The following IFT122 variants were observed in gnomAD, a reference collection of about 807,000 sequenced individuals.
The protein encoded by IFT122 is intraflagellar transport protein 122 homolog.
IFT122 carries 118 observed loss-of-function variants against 161.6 expected under a neutral mutation model. The observed-to-expected ratio is 0.73, with a 90% CI of 0.63 to 0.85. The LOEUF is 0.85. Among genes scored for constraint, IFT122 ranks in the 40% least tolerant of loss-of-function variants. IFT122 has a pLI of 0.00. For synonymous variants in IFT122, 550 were observed against 602.4 expected (o/e 0.91, Z 1.27); for missense variants, 1,381 against 1,579.6 (o/e 0.87, Z 2.13).
intron 19 of IFT122, among the ~76,000 whole-genome samples, chr3:129,501,226 G>A (rs2081504727): frequency 6.6e-6 from 1 of 152,160 alleles, no homozygotes; most frequent in South Asian, 2.1e-4. Flanking sequence ...ACATGCTGCT[G>A]CGGTAGGCAA....
At chr3:129,470,726 A>G (rs961456224) in intron 9 of IFT122, among the ~76,000 whole-genome samples, 3 of 151,086 alleles carry the variant, frequency 2.0e-5, no homozygotes, top group East Asian at 3.9e-4. Flanking sequence ...ATGTGCCACC[A>G]TGTCCGGCTA....
At chr3:129,470,551 C>A (rs1367149931) in intron 9 of IFT122, among the ~76,000 whole-genome samples, 1 of 150,214 alleles carries the variant, frequency 6.7e-6, no homozygotes, top group Non-Finnish European at 1.5e-5. Flanking sequence ...AGGCATGAGC[C>A]ACCACGCCCG....
At chr3:129,463,871 T>C (rs976394234) in intron 6 of IFT122, among the ~76,000 whole-genome samples, 1 of 152,226 alleles carries the variant, frequency 6.6e-6, no homozygotes, top group South Asian at 2.1e-4. Context: ...CATCCAGCTA[T>C]ACTGAGTGGA....
chr3:129,441,426 T>G (rs1220617626), intron 1 of IFT122, among the ~76,000 whole-genome samples: 1 of 152,122 alleles, frequency 6.6e-6, no homozygotes, highest in East Asian at 1.9e-4. Flanking sequence ...TTCATATCCT[T>G]TATCTCGTTG....
chr3:129,478,393 A>G (rs901572941), intron 12 of IFT122, among the ~76,000 whole-genome samples, 175 bp downstream of exon 12: 2 of 152,186 alleles, frequency 1.3e-5, no homozygotes, highest in Admixed American at 6.5e-5. Flanking sequence ...ACCAGACTCT[A>G]TCAGCAAGTC....
intron 1 of IFT122, among the ~76,000 whole-genome samples, chr3:129,442,836 T>G (rs1289038693): frequency 6.6e-6 from 1 of 152,208 alleles, no homozygotes; most frequent in Non-Finnish European, 1.5e-5. Flanking sequence ...CTCCTCCCCA[T>G]CAGGCTTGCA....
chr3:129,506,536 C>T lies in IFT122; in HGVS notation c.2778C>T (p.Leu926=), dbSNP rs779776838. 23 of 1,614,070 alleles carry T rather than the reference C, an allele frequency of 1.4e-5. No homozygotes were observed. Among genetic ancestry groups the T allele is most frequent in the African/African-American group, 5.3e-5 (4 of 74,914 alleles). The change falls in exon 22 of 30, where the codon CTC becomes CTT. Residue 926 remains leucine (L), a synonymous_variant. Coordinates refer to ENST00000348417, the MANE Select transcript of IFT122 (RefSeq NM_052989.3). The part of the protein sequence containing the change: ...YYYWMLSMQC[L]DIAQDPAQKD... Reference sequence around the variant, plus strand: ...ACTGGATGCTGTCCATGCAGTGCCTCGATATAGCTCAAGGTGTGTAAACAT... The same window carrying T: ...ACTGGATGCTGTCCATGCAGTGCCTTGATATAGCTCAAGGTGTGTAAACAT...
chr3:129,450,172 CT>C (rs373622965), intron 2 of IFT122, among the ~76,000 whole-genome samples: 1 of 152,108 alleles, frequency 6.6e-6, no homozygotes, highest in African/African-American at 2.4e-5. Context: ...TCCCTTTTTA[CT>C]TTGAGACACC....
intron 1 of IFT122, among the ~76,000 whole-genome samples, chr3:129,447,913 C>T (rs1456407593): frequency 1.3e-5 from 2 of 152,196 alleles, no homozygotes; most frequent in African/African-American, 2.4e-5. Flanking sequence ...AACAGTCTCT[C>T]AGGTTAAATT....
chr3:129,489,942 C>G (rs2079854832), intron 16 of IFT122, among the ~76,000 whole-genome samples: 1 of 151,250 alleles, frequency 6.6e-6, no homozygotes, highest in Non-Finnish European at 1.5e-5. Context: ...AGGGAGACGA[C>G]AAATCCCTAG....
rs777126874 is a variant in IFT122, at chr3:129,467,008, A to G, written c.682A>G (p.Ser228Gly). 13 of 1,614,204 alleles carry G rather than the reference A, an allele frequency of 8.1e-6. No individual in the cohort carries two copies. The highest frequency in any genetic ancestry group is 1.1e-5 in the South Asian group (1 of 91,076). ...GTCAGCAGTGTACAGTAGTCAGGGT[A>G]GTGAGGCAGAGGAGGAAGAACCAGA... ...LKSAVYSSQG[S>G]EAEEEEPEEE... is the part of the protein sequence containing the mutation. Residue 228 changes from serine to glycine, a missense_variant, in exon 8 of 30, where the codon AGT becomes GGT. By Grantham distance (56) the Ser-to-Gly change is moderately conservative. Around this residue, in one of 7 missense-constraint regions of IFT122, gnomAD observed 544 missense variants for 648.0 expected, o/e 0.84. Transcript: ENST00000348417.
At chr3:129,513,921 G>A (rs2713619) in intron 24 of IFT122, 8,935 of 293,630 alleles carry the variant, frequency 0.03, 517 homozygotes, top group African/African-American at 0.11. Context: ...CCAGGCCCTC[G>A]GGGAAGGGTG....
intron 7 of IFT122, among the ~76,000 whole-genome samples, chr3:129,465,154 T>A (rs2076601781): frequency 1.5e-5 from 2 of 137,182 alleles, no homozygotes; most frequent in Admixed American, 1.5e-4. Context: ...TGTGTGTGTG[T>A]GTGTGTGGTG....
intron 3 of IFT122, among the ~76,000 whole-genome samples, chr3:129,457,129 A>G (rs66484147): frequency 0.13 from 20,182 of 152,176 alleles, 1,717 homozygotes; most frequent in South Asian, 0.24. Context: ...CTCGTCTCTC[A>G]CCAGAGTAGG....
chr3:129,451,592 A>T (rs1301259732), intron 2 of IFT122, among the ~76,000 whole-genome samples: 2 of 152,206 alleles, frequency 1.3e-5, no homozygotes, highest in Non-Finnish European at 2.9e-5. Flanking sequence ...TTTATTTAGG[A>T]GGGCCTGCCT....
rs181218428 is a variant in IFT122, at chr3:129,509,488, C to T, written c.2886+1726C>T. ...TTGTTAGCAGTTCCTGGGCCAAATGCGTTGTCGATGTTACGAGTTGTCTCT... is the reference window on the plus strand; with the variant it reads ...TTGTTAGCAGTTCCTGGGCCAAATGTGTTGTCGATGTTACGAGTTGTCTCT... On this transcript the variant is annotated intron_variant, in intron 23 of 29. Transcript: ENST00000348417. 6.8e-4 allele frequency among the ~76,000 whole-genome samples: 103 copies of T among 152,312 alleles called. 1 individual carries two copies. The highest frequency in any genetic ancestry group is 2.2e-3 in the Admixed American group (33 of 15,306).
intron 8 of IFT122, among the ~76,000 whole-genome samples, chr3:129,468,117 C>T (rs1267503054): frequency 6.6e-6 from 1 of 152,334 alleles, no homozygotes; most frequent in East Asian, 1.9e-4. Flanking sequence ...CAGGCTCCCT[C>T]ATTAACATCC....
At chr3:129,518,780 A>T (rs2084344948) in intron 27 of IFT122, among the ~76,000 whole-genome samples, 1 of 151,650 alleles carries the variant, frequency 6.6e-6, no homozygotes, top group Non-Finnish European at 1.5e-5. Context: ...GTGCCCGCAG[A>T]CCCCCAGCAG....
At chr3:129,453,907 GT>G (rs1171689662) in intron 3 of IFT122, among the ~76,000 whole-genome samples, 1 of 152,182 alleles carries the variant, frequency 6.6e-6, no homozygotes, top group Admixed American at 6.5e-5. Flanking sequence ...CAACACCAGA[GT>G]TCTGTGAGTC....
Sources: gnomAD v4.1 joint callset for allele counts (sites outside exome capture counted in the v4.1 genomes callset) on GRCh38, gnomAD v4.1.1 for gene constraint, gnomAD v4.1.1 regional missense constraint, MANE v1.5 for transcripts, NCBI Gene and HGNC (gene_info 2026-07-23, HGNC 2026-07-21) for gene names.